Variants in EDA observed in about 807,000 individuals in gnomAD.
EDA encodes ectodysplasin-A.
EDA carries 2 observed loss-of-function variants against 23.6 expected under a neutral mutation model. That is an observed-to-expected ratio of 0.08 (90% confidence interval 0.03 to 0.27). EDA has a LOEUF of 0.27. Ranked by LOEUF, EDA falls within the 10% of genes least tolerant of loss-of-function variation. The probability of loss-of-function intolerance (pLI) is 1.00; values close to 1 mark genes in which losing one functional copy is unlikely to be tolerated. For missense variants in EDA, 229 were observed against 324.2 expected, an observed-to-expected ratio of 0.71 and a Z score of 2.26; for synonymous variants, 131 against 132.0, an observed-to-expected ratio of 0.99 and a Z score of 0.05.
intron 2 of EDA, among the ~76,000 whole-genome samples, chrX:69,972,102 G>A (rs1442149854): frequency 9.0e-6 from 1 of 111,299 alleles, no homozygotes; most frequent in Non-Finnish European, 1.9e-5. Flanking sequence ...ATGATACTGT[G>A]CACAAATGGC....
chrX:69,647,235 G>C (rs1282332322), intron 1 of EDA, among the ~76,000 whole-genome samples: 1 of 111,107 alleles, frequency 9.0e-6, no homozygotes, highest in African/African-American at 3.3e-5. Context: ...TTGAATGTTG[G>C]CCTGTCTTGC....
At chrX:69,785,318 T>A (rs1197009545) in intron 1 of EDA, among the ~76,000 whole-genome samples, 1 of 78,223 alleles carries the variant, frequency 1.3e-5, no homozygotes, top group Admixed American at 1.4e-4. Context: ...GGCCAGAACT[T>A]CCAACACTAT....
chrX:70,036,298 A>G lies in EDA; in HGVS notation c.*689A>G, dbSNP rs1381822277. The G allele has an allele frequency of 8.9e-6, 1 of 112,285 alleles. No homozygotes were observed. The highest frequency in any genetic ancestry group is 1.9e-5 in the Non-Finnish European group (1 of 53,178). 9.3% of individuals were successfully genotyped at this position (112,285 alleles called of 1,213,427 possible). A position where few individuals can be genotyped will look rare whatever the true frequency, so the allele number is the denominator to read the frequency against. Reference sequence around the variant, plus strand: ...GGAACAATCACAGGGAATGGCCACAAACCTGCCCGCCTAAGACCCTGAATC... The same window carrying G: ...GGAACAATCACAGGGAATGGCCACAGACCTGCCCGCCTAAGACCCTGAATC... On this transcript the variant is annotated 3_prime_UTR_variant, in exon 8 of 8. Transcript: ENST00000374552.
chrX:69,900,637 T>C (rs1461396957), intron 1 of EDA, among the ~76,000 whole-genome samples: 1 of 110,355 alleles, frequency 9.1e-6, no homozygotes, highest in Non-Finnish European at 1.9e-5. Flanking sequence ...CAGTTGTATA[T>C]TGTATATGAC....
chrX:69,712,025 G>C (rs1316306850), intron 1 of EDA, among the ~76,000 whole-genome samples: 11 of 110,204 alleles, frequency 1.0e-4, no homozygotes, highest in African/African-American at 3.6e-4. Context: ...GTTATTTCTT[G>C]CCTGCTGCTA....
chrX:69,722,840 A>G (rs2012640294), intron 1 of EDA, among the ~76,000 whole-genome samples: 2 of 112,179 alleles, frequency 1.8e-5, no homozygotes, highest in African/African-American at 6.5e-5. Context: ...AATGGAAACA[A>G]TAGTACTATT....
At position 70,036,257 on chromosome X, in the gene EDA, A is replaced by T. The variant is rs1462069659; in HGVS notation, c.*648A>T. The T allele has an allele frequency of 8.9e-6, 1 of 112,378 alleles. No individual in the cohort carries two copies. Among genetic ancestry groups the T allele is most frequent in the Non-Finnish European group, 1.9e-5 (1 of 53,240 alleles). The allele number at this position is 112,378 out of a possible 1,213,427, so 9.3% of individuals were successfully genotyped here. A position where few individuals can be genotyped will look rare whatever the true frequency, so the allele number is the denominator to read the frequency against. ...CCGTGGCAGCTTGCTGGGCTTTGGG[A>T]AGTTTGCTGTGCTTTGGAACAATCA... On this transcript the variant is annotated 3_prime_UTR_variant, in exon 8 of 8. Coordinates refer to ENST00000374552, the MANE Select transcript of EDA (RefSeq NM_001399.5).
intron 1 of EDA, among the ~76,000 whole-genome samples, chrX:69,636,637 T>G (rs1404731385): frequency 4.6e-5 from 5 of 108,995 alleles, no homozygotes; most frequent in Non-Finnish European, 7.6e-5. Flanking sequence ...TCATGGTTTT[T>G]TTTTTTTTTT....
chrX:69,795,997 C>A (rs1057041041), intron 1 of EDA, among the ~76,000 whole-genome samples: 2 of 111,942 alleles, frequency 1.8e-5, no homozygotes, highest in African/African-American at 6.5e-5. Flanking sequence ...TGCCACTCCA[C>A]CACCTGCATA....
chrX:69,916,512 C>T (rs1432740857), intron 1 of EDA, among the ~76,000 whole-genome samples: 2 of 105,053 alleles, frequency 1.9e-5, no homozygotes, highest in Non-Finnish European at 3.9e-5. Flanking sequence ...ACGCCATTCT[C>T]CTGCCTCAGC....
At chrX:69,828,566 C>T (rs758685865) in intron 1 of EDA, among the ~76,000 whole-genome samples, 15 of 112,056 alleles carry the variant, frequency 1.3e-4, no homozygotes, top group South Asian at 1.1e-3. Flanking sequence ...GGCTCGCGCA[C>T]GGTGCACTGC....
intron 1 of EDA, among the ~76,000 whole-genome samples, chrX:69,863,304 A>G (rs1000830929): frequency 1.8e-5 from 2 of 109,655 alleles, no homozygotes; most frequent in Non-Finnish European, 3.8e-5. Flanking sequence ...CTACCCATTG[A>G]CAAGCTCCAA....
chrX:69,727,221 G>GCTGCTCAT (rs1330577279), intron 1 of EDA, among the ~76,000 whole-genome samples: 5 of 111,762 alleles, frequency 4.5e-5, no homozygotes, highest in African/African-American at 1.3e-4. Context: ...GCTGCACTCT[G>GCTGCTCAT]CTGCTCATCT....
At chrX:69,674,102 CCTATCTATCTATCTAT>C (rs201928323) in intron 1 of EDA, among the ~76,000 whole-genome samples, 3,129 of 105,549 alleles carry the variant, frequency 0.03, 107 homozygotes, top group African/African-American at 0.1. Context: ...GTAGGAAAAG[CCTATCTATCTATCTAT>C]CTATCTATCT....
intron 1 of EDA, among the ~76,000 whole-genome samples, chrX:69,681,823 G>T (rs1286902441): frequency 5.4e-5 from 6 of 111,723 alleles, no homozygotes; most frequent in Non-Finnish European, 1.1e-4. Flanking sequence ...CTCTCAGCTC[G>T]TCAAAGTCAT....
Position 69,634,270 on chromosome X carries a change from A to C in EDA, c.396+17566A>C, listed in dbSNP as rs1157245842. Among the ~76,000 whole-genome samples, 4 of 111,830 alleles carry C rather than the reference A, an allele frequency of 3.6e-5. No homozygotes were observed. The East Asian group carries it at 1.1e-3, about 31-fold the overall frequency. ...TGCATACTAAACCCTTATTAGAGAT[A>C]AAATTTGCAAATATTTTCTCCCATT... On this transcript the variant is annotated intron_variant, in intron 1 of 7. Coordinates refer to ENST00000374552, the MANE Select transcript of EDA (RefSeq NM_001399.5).
intron 1 of EDA, among the ~76,000 whole-genome samples, chrX:69,814,611 A>G (rs1315740000): frequency 8.9e-6 from 1 of 112,418 alleles, no homozygotes; most frequent in Admixed American, 9.4e-5. Flanking sequence ...AGGAATGAAA[A>G]GGGGTGAGTG....
chrX:69,969,807 A>G (rs1164920029), intron 2 of EDA, among the ~76,000 whole-genome samples: 1 of 111,629 alleles, frequency 9.0e-6, no homozygotes, highest in African/African-American at 3.3e-5. Context: ...CACACATAAG[A>G]AAGAAAAAAG....
At position 69,803,943 on chromosome X, in the gene EDA, C is replaced by G. The variant is rs376421350; in HGVS notation, c.397-153084C>G. 9.9e-5 allele frequency among the ~76,000 whole-genome samples: 11 copies of G among 110,854 alleles called. No individual in the cohort carries two copies. The East Asian group carries it at 1.1e-3, about 12-fold the overall frequency. On this transcript the variant is annotated intron_variant, in intron 1 of 7. Transcript: ENST00000374552. Reference sequence around the variant, plus strand: ...ATTTTCTGTTCCTTATTTCACTTAACATAATGTCCTCTAGTTCCATCCATG... The same window carrying G: ...ATTTTCTGTTCCTTATTTCACTTAAGATAATGTCCTCTAGTTCCATCCATG...
Sources: gnomAD v4.1 joint callset for allele counts (sites outside exome capture counted in the v4.1 genomes callset) on GRCh38, gnomAD v4.1.1 for gene constraint, MANE v1.5 for transcripts, NCBI Gene and HGNC (gene_info 2026-07-23, HGNC 2026-07-21) for gene names.